Variants in PNPLA1 observed in about 807,000 individuals in gnomAD.
PNPLA1 encodes patatin like domain 1, omega-hydroxyceramide transacylase, also known as omega-hydroxyceramide transacylase.
A neutral mutation model predicts 51.7 loss-of-function variants in PNPLA1; 36 were observed. The ratio of observed to expected loss-of-function variants is 0.70; its 90% CI spans 0.53 to 0.92. The LOEUF (loss-of-function observed/expected upper bound fraction) is 0.92. Among genes scored for constraint, PNPLA1 ranks in the 40% least tolerant of loss-of-function variants. The pLI is 0.00. For missense variants in PNPLA1, 658 were observed against 682.5 expected (o/e 0.96, Z 0.40); for synonymous variants, 293 against 280.1 (o/e 1.05, Z -0.46).
intron 5 of PNPLA1, among the ~76,000 whole-genome samples, chr6:36,300,195 G>A (rs1258648845): frequency 3.3e-5 from 5 of 149,710 alleles, no homozygotes; most frequent in Admixed American, 2.7e-4. Flanking sequence ...GAGAGAGAGA[G>A]AGAGAGAGAG....
At chr6:36,297,037 A>G (rs1770878939) in intron 5 of PNPLA1, among the ~76,000 whole-genome samples, 1 of 152,182 alleles carries the variant, frequency 6.6e-6, no homozygotes, top group South Asian at 2.1e-4. Flanking sequence ...TGAGAACGTC[A>G]AAGTGCTGAG....
chr6:36,304,627 A>AG (rs1200836155), intron 6 of PNPLA1, among the ~76,000 whole-genome samples: 1 of 134,376 alleles, frequency 7.4e-6, no homozygotes, highest in Non-Finnish European at 1.6e-5. Context: ...ACTCCGTCTC[A>AG]GGAAAAAAAA....
At chr6:36,254,706 T>G (rs1389675521) in intron 1 of PNPLA1, among the ~76,000 whole-genome samples, 2 of 152,176 alleles carry the variant, frequency 1.3e-5, no homozygotes, top group African/African-American at 4.8e-5. Context: ...TTTGTTATTG[T>G]GGCCATTGGG....
At chr6:36,262,484 C>T (rs1769673790) in intron 1 of PNPLA1, among the ~76,000 whole-genome samples, 1 of 152,188 alleles carries the variant, frequency 6.6e-6, no homozygotes, top group Admixed American at 6.5e-5. Flanking sequence ...AAAATGTGAC[C>T]ATCCACAGTA....
chr6:36,271,288 G>A (rs910747598), intron 1 of PNPLA1, among the ~76,000 whole-genome samples: 1 of 152,138 alleles, frequency 6.6e-6, no homozygotes, highest in Non-Finnish European at 1.5e-5. Flanking sequence ...CTGCTACACT[G>A]CTAACCCAGA....
chr6:36,261,860 C>T (rs573072033), intron 1 of PNPLA1, among the ~76,000 whole-genome samples: 12 of 152,246 alleles, frequency 7.9e-5, no homozygotes, highest in Admixed American at 1.3e-4. Context: ...CTAAGAAAGG[C>T]GGCTGGACTT....
At chr6:36,252,338 A>G (rs1238683704) in intron 1 of PNPLA1, among the ~76,000 whole-genome samples, 1 of 152,156 alleles carries the variant, frequency 6.6e-6, no homozygotes, top group Non-Finnish European at 1.5e-5. Context: ...GTTTTCTGTA[A>G]CTTGCAGCCC....
At chr6:36,297,389 T>C (rs1306235424) in intron 5 of PNPLA1, among the ~76,000 whole-genome samples, 2 of 152,092 alleles carry the variant, frequency 1.3e-5, no homozygotes, top group African/African-American at 2.4e-5. Flanking sequence ...GAAACTGCAG[T>C]TGGTCTCCAG....
chr6:36,258,780 G>C (rs143215726), intron 1 of PNPLA1, among the ~76,000 whole-genome samples: 1 of 152,342 alleles, frequency 6.6e-6, no homozygotes, highest in African/African-American at 2.4e-5. Context: ...CAGGAAGAAA[G>C]GGACCAGAAT....
At chr6:36,265,397 G>GA (rs542394893), upstream of PNPLA1, among the ~76,000 whole-genome samples, 13 of 151,730 alleles carry the variant, frequency 8.6e-5, no homozygotes, top group Admixed American at 2.0e-4. Flanking sequence ...GTAGGGAAGA[G>GA]AAAAAAAATC....
upstream of PNPLA1, among the ~76,000 whole-genome samples, chr6:36,267,285 CAA>C (rs1206057073): frequency 6.6e-6 from 1 of 152,226 alleles, no homozygotes; most frequent in African/African-American, 2.4e-5. Context: ...GGAACCTTCT[CAA>C]GAGTTTAGCA....
intron 1 of PNPLA1, among the ~76,000 whole-genome samples, chr6:36,246,983 G>A (rs1769303410): frequency 1.3e-5 from 2 of 152,124 alleles, no homozygotes. Flanking sequence ...GCGGATTTTA[G>A]GATTTTAGCT....
chr6:36,278,920 G>A (rs1441371747), intron 1 of PNPLA1, among the ~76,000 whole-genome samples: 3 of 152,168 alleles, frequency 2.0e-5, no homozygotes, highest in Non-Finnish European at 2.9e-5. Flanking sequence ...ATATAAAAAA[G>A]GTCAGCATGC....
At chr6:36,245,421 T>A (rs1311742386) in intron 1 of PNPLA1, among the ~76,000 whole-genome samples, 2 of 152,246 alleles carry the variant, frequency 1.3e-5, no homozygotes, top group Non-Finnish European at 2.9e-5. Context: ...TTCTTGCTTA[T>A]CATGTTGTTC....
intron 5 of PNPLA1, among the ~76,000 whole-genome samples, chr6:36,295,768 T>C (rs1770841005): frequency 6.6e-6 from 1 of 152,362 alleles, no homozygotes; most frequent in South Asian, 2.1e-4. Context: ...AATTTCATTC[T>C]CTTCCACTTT....
chr6:36,287,724 AAGAC>A (rs1352202429), intron 1 of PNPLA1, among the ~76,000 whole-genome samples: 2 of 151,176 alleles, frequency 1.3e-5, no homozygotes, highest in African/African-American at 4.9e-5. Context: ...GACACAGAGA[AAGAC>A]AGTCAGAGAC....
intron 6 of PNPLA1, among the ~76,000 whole-genome samples, chr6:36,304,175 A>G (rs1771160607): frequency 6.6e-6 from 1 of 152,112 alleles, no homozygotes; most frequent in African/African-American, 2.4e-5. Context: ...CAAATGAAGG[A>G]CTGAAGCCAG....
intron 1 of PNPLA1, among the ~76,000 whole-genome samples, chr6:36,255,290 A>C (rs534929980): frequency 6.6e-6 from 1 of 152,272 alleles, no homozygotes; most frequent in Non-Finnish European, 1.5e-5. Context: ...GGATCACCTG[A>C]GGTTGGGAGT....
At chr6:36,264,951 C>CGA (rs1769730119) in intron 1 of PNPLA1, among the ~76,000 whole-genome samples, 1 of 152,216 alleles carries the variant, frequency 6.6e-6, no homozygotes, top group Non-Finnish European at 1.5e-5. Context: ...TTAAACACTT[C>CGA]TACCCCCACC....
Sources: gnomAD v4.1 joint callset for allele counts (sites outside exome capture counted in the v4.1 genomes callset) on GRCh38, gnomAD v4.1.1 for gene constraint, MANE v1.5 for transcripts, NCBI Gene and HGNC (gene_info 2026-07-23, HGNC 2026-07-21) for gene names.